Variants in ABHD2 observed in about 807,000 individuals in gnomAD.
ABHD2 encodes monoacylglycerol lipase ABHD2.
A neutral mutation model predicts 48.1 loss-of-function variants in ABHD2; 20 were observed. That is an observed-to-expected ratio of 0.42 (90% CI 0.29 to 0.60). ABHD2 has a LOEUF of 0.60. Among genes scored for constraint, ABHD2 ranks in the 20% least tolerant of loss-of-function variants. The probability of loss-of-function intolerance (pLI) is 0.24; values close to 1 mark genes in which losing one functional copy is unlikely to be tolerated. For missense variants in ABHD2, 405 were observed against 550.9 expected, an observed-to-expected ratio of 0.74 and a Z score of 2.65; for synonymous variants, 209 against 214.2, an observed-to-expected ratio of 0.98 and a Z score of 0.21.
chr15:89,056,609 C>T, the ABHD2 span, among the ~76,000 whole-genome samples: 2 of 152,060 alleles, frequency 1.3e-5, no homozygotes, highest in Non-Finnish European at 2.9e-5. Flanking sequence ...CACCACTGCA[C>T]TCCAGCCTGG....
rs2051184597 is a variant in ABHD2, at chr15:89,185,157, A to G, written c.723-267A>G. Among the ~76,000 whole-genome samples the G allele has an allele frequency of 6.6e-6, 1 of 152,082 alleles. No individual in the cohort carries two copies. Among genetic ancestry groups the G allele is most frequent in the African/African-American group, 2.4e-5 (1 of 41,388 alleles). ...AGAGAAGGTCCAGGTGCTAGAAGAG[A>G]GTGTCGGGGGTGCCACCAACAAAGC... On this transcript the variant is annotated intron_variant, in intron 6 of 10. Transcript: ENST00000352732. The surrounding 1 kb of genome is among the most constrained non-coding windows in gnomAD (Gnocchi z 5.9).
intron 3 of ABHD2, among the ~76,000 whole-genome samples, chr15:89,141,005 G>A (rs2050393961): frequency 6.6e-6 from 1 of 150,944 alleles, no homozygotes; most frequent in South Asian, 2.1e-4. Flanking sequence ...GTCTTACTCT[G>A]TCACCCATGC....
At chr15:89,071,254 T>C in the ABHD2 span, among the ~76,000 whole-genome samples, 1 of 152,120 alleles carries the variant, frequency 6.6e-6, no homozygotes, top group Non-Finnish European at 1.5e-5. Context: ...ACCCCATCTC[T>C]ACTAAAAATA....
chr15:89,054,338 A>T, the ABHD2 span, among the ~76,000 whole-genome samples: 2 of 149,166 alleles, frequency 1.3e-5, no homozygotes, highest in African/African-American at 4.9e-5. Context: ...AAAAAAAAGG[A>T]TTTTTAAAAA....
At chr15:89,075,270 T>C in the ABHD2 span, 1 of 152,244 alleles carries the variant, frequency 6.6e-6, no homozygotes, top group African/African-American at 2.4e-5. This position sits in a 1 kb window ranked among gnomAD's most constrained non-coding sequence, Gnocchi z 4.1. Flanking sequence ...AGCCTTATCA[T>C]AGGTCTTTGC....
At chr15:89,063,803 T>C in the ABHD2 span, among the ~76,000 whole-genome samples, 2 of 152,272 alleles carry the variant, frequency 1.3e-5, no homozygotes, top group African/African-American at 2.4e-5. Flanking sequence ...CCCAACATTT[T>C]TGGCACCAGA....
chr15:89,178,192 T>C lies in ABHD2; in HGVS notation c.722+2197T>C, dbSNP rs76527436. Among the ~76,000 whole-genome samples, 1,408 of 152,326 alleles carry C rather than the reference T, an allele frequency of 9.2e-3. 15 individuals carry two copies. The highest frequency in any genetic ancestry group is 0.032 in the African/African-American group (1,336 of 41,570). ...ACTTGCCCAGGCTAAGATCATGTGG[T>C]CCTGCATATGGGAACTGGCACCAGG... On this transcript the variant is annotated intron_variant, in intron 6 of 10. Coordinates refer to ENST00000352732, the MANE Select transcript of ABHD2 (RefSeq NM_152924.5).
intron 3 of ABHD2, among the ~76,000 whole-genome samples, chr15:89,140,150 G>A (rs1596106975): frequency 6.6e-6 from 1 of 152,190 alleles, no homozygotes; most frequent in African/African-American, 2.4e-5. Context: ...AGCAGCCTGT[G>A]TTAGGAACAG....
chr15:89,064,219 CTTT>C, the ABHD2 span, among the ~76,000 whole-genome samples: 16 of 119,516 alleles, frequency 1.3e-4, no homozygotes, highest in Non-Finnish European at 1.3e-4. Flanking sequence ...ACATTGTGTC[CTTT>C]TTTTTTTTTT....
intron 5 of ABHD2, among the ~76,000 whole-genome samples, chr15:89,162,104 C>G (rs1429456992): frequency 2.6e-5 from 4 of 152,122 alleles, no homozygotes; most frequent in Non-Finnish European, 5.9e-5. Context: ...TCTTTAAAAG[C>G]CTTATCTCCA....
chr15:89,165,125 T>G (rs554020611), intron 5 of ABHD2, among the ~76,000 whole-genome samples: 3 of 152,348 alleles, frequency 2.0e-5, no homozygotes, highest in South Asian at 4.1e-4. Context: ...ATGCAATGCT[T>G]GCTTTCCAGC....
intron 3 of ABHD2, among the ~76,000 whole-genome samples, chr15:89,149,501 G>C (rs565989142): frequency 1.3e-5 from 2 of 152,284 alleles, no homozygotes; most frequent in African/African-American, 4.8e-5. Context: ...TAGAGCTAGA[G>C]GTGAATGAGC....
intron 4 of ABHD2, among the ~76,000 whole-genome samples, chr15:89,154,394 C>T (rs568395994): frequency 2.0e-5 from 3 of 152,344 alleles, no homozygotes; most frequent in South Asian, 4.1e-4. Context: ...CTAAGCACCT[C>T]TTTTCTTTTA....
At chr15:89,077,924 T>G in the ABHD2 span, among the ~76,000 whole-genome samples, 2 of 152,228 alleles carry the variant, frequency 1.3e-5, no homozygotes, top group Non-Finnish European at 2.9e-5. Context: ...AATCCCCTTG[T>G]CTACAAAACT....
Position 89,116,290 on chromosome 15 carries a change from T to G in ABHD2, c.-6-32T>G, listed in dbSNP as rs1388178031. On this transcript the variant is annotated intron_variant, in intron 2 of 10. Transcript: ENST00000352732. This position sits in a 1 kb window ranked among gnomAD's most constrained non-coding sequence, Gnocchi z 4.6. Reference sequence around the variant, plus strand: ...GGGCACCACCCGTCCTCACTGTGCTTGTAAACTTAGACCTGTGCCTCTGCT... The same window carrying G: ...GGGCACCACCCGTCCTCACTGTGCTGGTAAACTTAGACCTGTGCCTCTGCT... The G allele has an allele frequency of 2.5e-6, 4 of 1,592,502 alleles. No homozygotes were observed. Among genetic ancestry groups the G allele is most frequent in the Non-Finnish European group, 3.4e-6 (4 of 1,166,798 alleles).
At chr15:89,161,024 T>C (rs2050754157) in intron 5 of ABHD2, among the ~76,000 whole-genome samples, 1 of 152,214 alleles carries the variant, frequency 6.6e-6, no homozygotes, top group Admixed American at 6.5e-5. Context: ...CTTCAAGTCT[T>C]CCTTTATTTC....
At chr15:89,065,638 C>A in the ABHD2 span, among the ~76,000 whole-genome samples, 1 of 152,174 alleles carries the variant, frequency 6.6e-6, no homozygotes, top group Admixed American at 6.5e-5. Context: ...CCTTGTATTT[C>A]AAATGAATAT....
At chr15:89,072,551 CAGGAGGGGGAGAGGAAG>C in the ABHD2 span, among the ~76,000 whole-genome samples, 1 of 102,954 alleles carries the variant, frequency 9.7e-6, no homozygotes, top group African/African-American at 4.1e-5. Flanking sequence ...GAAGGATGAG[CAGGAGGGGGAGAGGAAG>C]GGGAAGGGGA....
chr15:89,078,758 CAG>C, the ABHD2 span, among the ~76,000 whole-genome samples: 2 of 145,232 alleles, frequency 1.4e-5, no homozygotes, highest in African/African-American at 5.1e-5. Context: ...TCTTGTGAGA[CAG>C]AGTCTTGTCA....
Sources: allele counts gnomAD v4.1 joint callset (sites outside exome capture counted in the v4.1 genomes callset), GRCh38; gene constraint gnomAD v4.1.1; non-coding constraint Gnocchi (gnomAD v3.1); transcripts MANE v1.5; gene names NCBI Gene and HGNC (gene_info 2026-07-23, HGNC 2026-07-21).